Variants in ARHGEF33 observed in about 807,000 individuals in gnomAD.
ARHGEF33 encodes the protein DH and coiled-coil domain-containing protein ENSP00000381780.
A neutral mutation model predicts 101.9 loss-of-function variants in ARHGEF33; 72 were observed. That is an observed-to-expected ratio of 0.71 (90% confidence interval 0.58 to 0.86). The LOEUF is 0.86. Among genes scored for constraint, ARHGEF33 ranks in the 40% least tolerant of loss-of-function variants. The pLI is 0.00. For synonymous variants in ARHGEF33, 499 were observed against 442.5 expected (o/e 1.13, Z -1.60); for missense variants, 1,169 against 1,111.3 (o/e 1.05, Z -0.74).
At position 38,974,361 on chromosome 2, in the gene ARHGEF33, GATTA is replaced by G. The variant is rs1395367088; in HGVS notation, c.*524_*527del. The stretch of plus-strand genomic sequence containing the variant: ...ATATCTAACATCCCTTAAGGCAAAG[GATTA>G]ATTAACAGAACTGTATTTTATATGT... On this transcript the variant is annotated 3_prime_UTR_variant, in exon 18 of 18. Coordinates refer to ENST00000409978, the MANE Select transcript of ARHGEF33 (RefSeq NM_001145451.5). 1.3e-5 allele frequency: 2 copies of G among 152,168 alleles called. No individual in the cohort carries two copies. Among genetic ancestry groups the G allele is most frequent in the South Asian group, 2.1e-4 (1 of 4,826 alleles). 9.4% of individuals were successfully genotyped at this position (152,168 alleles called of 1,614,324 possible).
Position 38,919,453 on chromosome 2 carries a change from A to G in ARHGEF33, c.6A>G (p.Glu2=), listed in dbSNP as rs367866222. 6.4e-7 allele frequency: 1 copy of G among 1,551,888 alleles called. No homozygotes were observed. Among genetic ancestry groups the G allele is most frequent in the Non-Finnish European group, 8.7e-7 (1 of 1,146,938 alleles). ...GAAGAGAAGTAACCGGCACTATGGA[A>G]AAAACCAAAACAAAGCAAGGTCAGA... is the stretch of plus-strand genomic sequence containing the variant. M[E]KTKTKQGENE... is the part of the protein sequence containing the mutation. Residue 2 remains glutamate, a synonymous_variant, in exon 3 of 18, where the codon GAA becomes GAG. Transcript: ENST00000409978.
intron 2 of ARHGEF33, among the ~76,000 whole-genome samples, chr2:38,903,883 G>A (rs1666328983): frequency 6.6e-6 from 1 of 152,140 alleles, no homozygotes; most frequent in African/African-American, 2.4e-5. Flanking sequence ...TTCATTAATT[G>A]AGGGGGATTA....
At chr2:38,902,141 AAAAAAAAAAAAG>A (rs1220390563) in intron 2 of ARHGEF33, among the ~76,000 whole-genome samples, 1 of 151,588 alleles carries the variant, frequency 6.6e-6, no homozygotes, top group Non-Finnish European at 1.5e-5. Context: ...CAAGAAAAAA[AAAAAAAAAAAAG>A]AAAAACAACT....
At chr2:38,920,914 T>C (rs887175593) in intron 3 of ARHGEF33, among the ~76,000 whole-genome samples, 1 of 152,114 alleles carries the variant, frequency 6.6e-6, no homozygotes, top group Non-Finnish European at 1.5e-5. Flanking sequence ...AGTTCAGAAG[T>C]CTGTCAAAGA....
chr2:38,902,040 G>A (rs1012298301), intron 2 of ARHGEF33, among the ~76,000 whole-genome samples: 4 of 151,740 alleles, frequency 2.6e-5, no homozygotes, highest in Admixed American at 1.3e-4. Context: ...GCGTGAACCC[G>A]GGAGGTGGAG....
At position 38,926,151 on chromosome 2, in the gene ARHGEF33, A is replaced by ACCTCCAGTGGGAGCCCG. The variant is rs1164683466; in HGVS notation, c.76-2748_76-2732dup. 1.4e-4 allele frequency among the ~76,000 whole-genome samples: 21 copies of ACCTCCAGTGGGAGCCCG among 152,098 alleles called. No individual in the cohort carries two copies. The East Asian group carries it at 2.9e-3, about 21-fold the overall frequency. The stretch of plus-strand genomic sequence containing the variant: ...CGAAGTACAAGTCTTCCCTGAACCT[A>ACCTCCAGTGGGAGCCCG]CCTCCAGTGGGAGCCCGCCTCCAGC... On this transcript the variant is annotated intron_variant, in intron 4 of 17. Transcript: ENST00000409978.
At chr2:38,956,302 C>T (rs563999911) in intron 13 of ARHGEF33, among the ~76,000 whole-genome samples, 11 of 152,258 alleles carry the variant, frequency 7.2e-5, no homozygotes, top group African/African-American at 2.4e-4. Context: ...ACCTCGATTT[C>T]CTTACTTGTT....
chr2:38,949,570 G>C (rs1459684411), intron 10 of ARHGEF33, among the ~76,000 whole-genome samples: 35 of 152,108 alleles, frequency 2.3e-4, no homozygotes, highest in Admixed American at 2.2e-3. Flanking sequence ...AAGAAAAAAG[G>C]AGGTACATTG....
At chr2:38,970,135 C>T (rs373052280) in intron 17 of ARHGEF33, among the ~76,000 whole-genome samples, 1 of 152,186 alleles carries the variant, frequency 6.6e-6, no homozygotes, top group Non-Finnish European at 1.5e-5. Flanking sequence ...TCTACTTCCT[C>T]GCTCATTCTC....
Position 38,959,835 on chromosome 2 carries a change from C to T in ARHGEF33, c.1536-6C>T. Reference sequence around the variant, plus strand: ...AGCTCTTTTGTACTCTGTTTTCCCCCTAAAGACATCTGATGCCCCCAGTGA... The same window carrying T: ...AGCTCTTTTGTACTCTGTTTTCCCCTTAAAGACATCTGATGCCCCCAGTGA... On this transcript the variant is annotated splice_polypyrimidine_tract_variant and splice_region_variant and intron_variant, in intron 15 of 17. Coordinates refer to ENST00000409978, the MANE Select transcript of ARHGEF33 (RefSeq NM_001145451.5). 6.5e-7 allele frequency: 1 copy of T among 1,541,796 alleles called. No individual in the cohort carries two copies. Among genetic ancestry groups the T allele is most frequent in the Non-Finnish European group, 8.8e-7 (1 of 1,140,814 alleles).
intron 1 of ARHGEF33, among the ~76,000 whole-genome samples, chr2:38,894,370 TC>T (rs1206154787): frequency 6.6e-6 from 1 of 151,510 alleles, no homozygotes; most frequent in Non-Finnish European, 1.5e-5. Context: ...CTGGATAGCT[TC>T]CTAGAACGCC....
intron 9 of ARHGEF33, among the ~76,000 whole-genome samples, chr2:38,941,138 T>G (rs1667297169): frequency 6.6e-6 from 1 of 152,156 alleles, no homozygotes; most frequent in Admixed American, 6.5e-5. Context: ...ATTCATAATA[T>G]GAATTCATAA....
chr2:38,941,697 A>C (rs919100753), intron 9 of ARHGEF33, among the ~76,000 whole-genome samples: 9 of 151,746 alleles, frequency 5.9e-5, no homozygotes, highest in African/African-American at 2.2e-4. Context: ...ACAGCCGTCC[A>C]CCACCACACC....
intron 2 of ARHGEF33, among the ~76,000 whole-genome samples, chr2:38,908,560 G>C (rs1430559618): frequency 6.6e-6 from 1 of 152,184 alleles, no homozygotes; most frequent in Non-Finnish European, 1.5e-5. Flanking sequence ...TATCCTGACT[G>C]ATCTTAGGTG....
intron 10 of ARHGEF33, 86 bp downstream of exon 10, chr2:38,944,116 G>T: frequency 7.3e-7 from 1 of 1,369,312 alleles, no homozygotes. Flanking sequence ...GGATTTCTGG[G>T]GCCTATGAAG....
At chr2:38,928,111 G>A (rs925407359) in intron 4 of ARHGEF33, among the ~76,000 whole-genome samples, 1 of 152,152 alleles carries the variant, frequency 6.6e-6, no homozygotes, top group Non-Finnish European at 1.5e-5. Flanking sequence ...TTTTATGGAT[G>A]AGGAAACTGC....
chr2:38,960,486 C>T lies in ARHGEF33; in HGVS notation c.2181C>T (p.Ser727=). 3 of 1,406,354 alleles carry T rather than the reference C, an allele frequency of 2.1e-6. No homozygotes were observed. The highest frequency in any genetic ancestry group is 2.8e-6 in the Non-Finnish European group (3 of 1,082,452). 87.1% of individuals were successfully genotyped at this position (1,406,354 alleles called of 1,614,324 possible). A position where few individuals can be genotyped will look rare whatever the true frequency, so the allele number is the denominator to read the frequency against. The change falls in exon 16 of 18, where the codon AGC becomes AGT. Residue 727 remains serine (S), a synonymous_variant. Transcript: ENST00000409978. ...PADGVAPRLY[S]TRSSSGGRAP... ...ACGGCGTGGCCCCACGCCTCTACAG[C>T]ACGCGCAGCAGCAGCGGCGGCCGCG... is the stretch of plus-strand genomic sequence containing the variant.
chr2:38,905,559 C>T (rs1373351932), intron 2 of ARHGEF33, among the ~76,000 whole-genome samples: 1 of 152,238 alleles, frequency 6.6e-6, no homozygotes, highest in Non-Finnish European at 1.5e-5. Flanking sequence ...TAAGGCCCCA[C>T]AGTAAGAAGT....
At chr2:38,911,302 A>T (rs571262523) in intron 2 of ARHGEF33, among the ~76,000 whole-genome samples, 1 of 152,312 alleles carries the variant, frequency 6.6e-6, no homozygotes, top group Non-Finnish European at 1.5e-5. Flanking sequence ...CCCTCCCCCC[A>T]GCATAAAAAG....
Sources: gnomAD v4.1 joint callset for allele counts (sites outside exome capture counted in the v4.1 genomes callset) on GRCh38, gnomAD v4.1.1 for gene constraint, MANE v1.5 for transcripts, NCBI Gene and HGNC (gene_info 2026-07-23, HGNC 2026-07-21) for gene names.